GLIS3: variants seen among roughly 807,000 people sequenced by gnomAD.
GLIS3 encodes the protein GLIS family zinc finger 3.
A neutral mutation model predicts 78.6 loss-of-function variants in GLIS3; 53 were observed. The observed-to-expected ratio is 0.67, with a 90% CI of 0.54 to 0.85. The LOEUF (loss-of-function observed/expected upper bound fraction) is 0.85, where lower values mean the gene tolerates loss of function less well. Among genes scored for constraint, GLIS3 ranks in the 40% least tolerant of loss-of-function variants. The pLI, the probability that GLIS3 is intolerant of heterozygous loss-of-function variation, is 0.00. For synonymous variants in GLIS3, 684 were observed against 509.9 expected, an observed-to-expected ratio of 1.34 and a Z score of -4.60; for missense variants, 1,703 against 1,231.1, an observed-to-expected ratio of 1.38 and a Z score of -5.74.
intron 2 of GLIS3, among the ~76,000 whole-genome samples, chr9:4,146,989 T>C (rs1834271873): frequency 6.6e-6 from 1 of 152,218 alleles, no homozygotes; most frequent in Non-Finnish European, 1.5e-5. Context: ...CACTAGATCT[T>C]ATACCAAATT....
chr9:4,232,844 T>C (rs996125393), intron 2 of GLIS3, among the ~76,000 whole-genome samples: 6 of 152,196 alleles, frequency 3.9e-5, no homozygotes, highest in Non-Finnish European at 7.3e-5. Context: ...AAGATCTAAA[T>C]AGTGGTAAGT....
intron 2 of GLIS3, among the ~76,000 whole-genome samples, chr9:4,130,704 T>C (rs972884087): frequency 5.3e-5 from 8 of 152,202 alleles, no homozygotes; most frequent in Non-Finnish European, 1.0e-4. Flanking sequence ...AGAAGCCTGC[T>C]GCAGGGGTAG....
chr9:4,153,316 C>A (rs928512425), intron 2 of GLIS3, among the ~76,000 whole-genome samples: 6 of 152,150 alleles, frequency 3.9e-5, no homozygotes, highest in Non-Finnish European at 8.8e-5. Flanking sequence ...GTAATCCCAG[C>A]ACTTTGGGAG....
chr9:4,033,878 A>AAAC (rs1554677029), intron 4 of GLIS3, among the ~76,000 whole-genome samples: 3 of 150,538 alleles, frequency 2.0e-5, no homozygotes, highest in African/African-American at 7.3e-5. Context: ...AAAAAAAAAA[A>AAAC]AAAAAAAAAA....
intron 2 of GLIS3, among the ~76,000 whole-genome samples, chr9:4,340,772 T>G (rs184111287): frequency 2.5e-4 from 38 of 152,300 alleles, no homozygotes; most frequent in African/African-American, 9.1e-4. Flanking sequence ...CTCAACTCAC[T>G]GAACCTCCGC....
At chr9:4,127,423 C>T (rs1459747120) in intron 2 of GLIS3, among the ~76,000 whole-genome samples, 1 of 152,144 alleles carries the variant, frequency 6.6e-6, no homozygotes, top group East Asian at 1.9e-4. Context: ...CTTGACCCCT[C>T]CCATTGCAGT....
intron 2 of GLIS3, among the ~76,000 whole-genome samples, chr9:4,127,547 T>G (rs1832664231): frequency 6.6e-6 from 1 of 152,122 alleles, no homozygotes; most frequent in Non-Finnish European, 1.5e-5. Flanking sequence ...GAATAGTAGG[T>G]ACACTTTTAT....
At chr9:3,928,510 G>C (rs1451009992) in intron 6 of GLIS3, among the ~76,000 whole-genome samples, 1 of 152,170 alleles carries the variant, frequency 6.6e-6, no homozygotes, top group African/African-American at 2.4e-5. Flanking sequence ...ACAAAGCAAG[G>C]TAAGCTTATG....
At chr9:3,907,315 C>T (rs561977742) in intron 6 of GLIS3, among the ~76,000 whole-genome samples, 1 of 152,046 alleles carries the variant, frequency 6.6e-6, no homozygotes, top group Non-Finnish European at 1.5e-5. Flanking sequence ...CACTAACTGC[C>T]GATTGGATTT....
At chr9:4,253,628 G>A (rs542422795) in intron 2 of GLIS3, among the ~76,000 whole-genome samples, 38 of 152,118 alleles carry the variant, frequency 2.5e-4, no homozygotes, top group Non-Finnish European at 4.1e-4. Context: ...ATTCTGTCTC[G>A]CTAGCGTTCC....
intron 2 of GLIS3, among the ~76,000 whole-genome samples, chr9:4,269,478 G>A (rs563759749): frequency 1.1e-4 from 16 of 152,236 alleles, no homozygotes; most frequent in African/African-American, 3.9e-4. Flanking sequence ...ATTGTCCAAC[G>A]TTATATCAGT....
chr9:4,055,840 G>A (rs1167560361), intron 4 of GLIS3, among the ~76,000 whole-genome samples: 1 of 152,202 alleles, frequency 6.6e-6, no homozygotes, highest in Non-Finnish European at 1.5e-5. Flanking sequence ...TTTCAGAACA[G>A]GACTCCTCTT....
Position 4,145,782 on chromosome 9 carries a change from C to T in GLIS3, c.389-19841G>A, listed in dbSNP as rs973321590. Among the ~76,000 whole-genome samples the T allele has an allele frequency of 9.9e-5, 15 of 151,982 alleles. 1 individual carries two copies. The highest frequency in any genetic ancestry group is 3.3e-4 in the Admixed American group (5 of 15,252). Reference sequence around the variant, plus strand: ...CCTCACTTTCTCCCTTTCTCTCCCTCTCTCTCCTTTAGTATCAGCCAGTTC... The same window carrying T: ...CCTCACTTTCTCCCTTTCTCTCCCTTTCTCTCCTTTAGTATCAGCCAGTTC... On this transcript the variant is annotated intron_variant, in intron 2 of 10. Coordinates refer to ENST00000381971, the MANE Select transcript of GLIS3 (RefSeq NM_001042413.2).
At chr9:4,207,166 C>G (rs1416228135) in intron 2 of GLIS3, among the ~76,000 whole-genome samples, 1 of 152,166 alleles carries the variant, frequency 6.6e-6, no homozygotes, top group Non-Finnish European at 1.5e-5. Flanking sequence ...TAACCCAGTC[C>G]AATTTTATCA....
At chr9:3,864,492 A>G (rs1294025094) in intron 8 of GLIS3, among the ~76,000 whole-genome samples, 1 of 152,242 alleles carries the variant, frequency 6.6e-6, no homozygotes, top group African/African-American at 2.4e-5. Flanking sequence ...ACACACCAGC[A>G]GAACTTTGAG....
At chr9:4,250,897 T>C (rs539090685) in intron 2 of GLIS3, among the ~76,000 whole-genome samples, 2 of 152,342 alleles carry the variant, frequency 1.3e-5, no homozygotes, top group Admixed American at 1.3e-4. Flanking sequence ...AGCAGGTTGT[T>C]CAGTTTCTAT....
At chr9:4,361,123 C>G in the GLIS3 span, among the ~76,000 whole-genome samples, 1 of 152,346 alleles carries the variant, frequency 6.6e-6, no homozygotes, top group East Asian at 1.9e-4. Flanking sequence ...AGGGCCGATG[C>G]ACTCATTCCT....
chr9:4,107,313 C>T (rs894488107), intron 4 of GLIS3, among the ~76,000 whole-genome samples: 1 of 152,154 alleles, frequency 6.6e-6, no homozygotes, highest in African/African-American at 2.4e-5. Context: ...AGGAAGACCA[C>T]TCTTTTTCCA....
chr9:4,396,552 GT>G, the GLIS3 span, among the ~76,000 whole-genome samples: 1 of 152,138 alleles, frequency 6.6e-6, no homozygotes, highest in African/African-American at 2.4e-5. Flanking sequence ...AAAATTTCTA[GT>G]TTCCTTTCAT....
Sources: allele counts gnomAD v4.1 joint callset (sites outside exome capture counted in the v4.1 genomes callset), GRCh38; gene constraint gnomAD v4.1.1; transcripts MANE v1.5; gene names NCBI Gene and HGNC (gene_info 2026-07-23, HGNC 2026-07-21).